KAT7: variants seen among roughly 807,000 people sequenced by gnomAD.
KAT7 encodes lysine acetyltransferase 7, also known as histone acetyltransferase KAT7.
Under a neutral mutation model 82.1 loss-of-function variants are expected in KAT7, and 10 were observed. The ratio of observed to expected loss-of-function variants is 0.12; its 90% confidence interval spans 0.08 to 0.21. The LOEUF (loss-of-function observed/expected upper bound fraction) is 0.21, where lower values mean the gene tolerates loss of function less well. Ranked by LOEUF, KAT7 falls within the 10% of genes least tolerant of loss-of-function variation. KAT7 has a pLI of 1.00. For missense variants in KAT7, 378 were observed against 760.9 expected (o/e 0.50, Z 5.92); for synonymous variants, 250 against 262.5 (o/e 0.95, Z 0.46).
chr17:49,823,873 A>G (rs1244815228), intron 12 of KAT7, among the ~76,000 whole-genome samples: 1 of 152,192 alleles, frequency 6.6e-6, no homozygotes, highest in African/African-American at 2.4e-5. Flanking sequence ...CACTGTAAAC[A>G]AGTTCATTTT....
At chr17:49,808,634 T>C (rs1391048019) in intron 5 of KAT7, among the ~76,000 whole-genome samples, 1 of 151,968 alleles carries the variant, frequency 6.6e-6, no homozygotes, top group Non-Finnish European at 1.5e-5. Context: ...GTATTTTTAA[T>C]AGAGACGGGG....
chr17:49,803,421 ATTTAT>A (rs2074050144), intron 4 of KAT7, among the ~76,000 whole-genome samples: 1 of 150,326 alleles, frequency 6.7e-6, no homozygotes, highest in South Asian at 2.1e-4. Flanking sequence ...TTTAAAATTT[ATTTAT>A]TTTATTTTAT....
intron 1 of KAT7, among the ~76,000 whole-genome samples, chr17:49,790,995 G>T (rs928656508): frequency 6.6e-6 from 1 of 152,176 alleles, no homozygotes; most frequent in African/African-American, 2.4e-5. Flanking sequence ...ACAAATCCTT[G>T]CTCATTGAAA....
At chr17:49,804,828 C>G (rs1322150636) in intron 4 of KAT7, among the ~76,000 whole-genome samples, 2 of 152,020 alleles carry the variant, frequency 1.3e-5, no homozygotes, top group African/African-American at 4.8e-5. Flanking sequence ...CTCAGTTCTC[C>G]CTCCAAAAAA....
intron 1 of KAT7, among the ~76,000 whole-genome samples, chr17:49,790,385 C>T (rs1440504722): frequency 2.0e-5 from 3 of 152,064 alleles, no homozygotes; most frequent in East Asian, 1.9e-4. Flanking sequence ...TTAATAGAGA[C>T]GGGATTTCAC....
chr17:49,812,365 C>T (rs1397971674), intron 7 of KAT7, among the ~76,000 whole-genome samples: 4 of 150,168 alleles, frequency 2.7e-5, no homozygotes, highest in African/African-American at 9.8e-5. Flanking sequence ...GCTAGGATTA[C>T]AGACATGTGC....
intron 1 of KAT7, 186 bp downstream of exon 1, chr17:49,789,035 C>T: frequency 2.2e-6 from 1 of 460,720 alleles, no homozygotes; most frequent in South Asian, 5.7e-5. Flanking sequence ...TCGGCCTATG[C>T]TTGCAACTAT....
intron 4 of KAT7, among the ~76,000 whole-genome samples, chr17:49,801,832 G>A (rs138169557): frequency 1.3e-3 from 201 of 151,870 alleles, no homozygotes; most frequent in African/African-American, 4.6e-3. Flanking sequence ...AGAGTTTTAT[G>A]TACTTGTGAA....
In KAT7 at chr17:49,832,825, A is replaced by G. The variant is rs928596553; in HGVS notation, c.*5323A>G. The G allele has an allele frequency of 2.0e-5, 3 of 152,250 alleles. No homozygotes were observed. The highest frequency in any genetic ancestry group is 2.9e-5 in the Non-Finnish European group (2 of 68,058). The allele number at this position is 152,250 out of a possible 1,614,324, so 9.4% of individuals were successfully genotyped here. On this transcript the variant is annotated 3_prime_UTR_variant, in exon 15 of 15. Transcript: ENST00000259021. ...GAAAACTACTTTGCTGAATGATAGTATGTGATGTGTGCTAGGACTTCTAGA... is the reference window on the plus strand; with the variant it reads ...GAAAACTACTTTGCTGAATGATAGTGTGTGATGTGTGCTAGGACTTCTAGA...
intron 13 of KAT7, 62 bp from the exon 14 acceptor site, chr17:49,826,631 T>G (rs1468274772): frequency 1.9e-6 from 2 of 1,063,954 alleles, no homozygotes; most frequent in Non-Finnish European, 2.9e-6. Flanking sequence ...TAGACCTTGG[T>G]TGGGGGCAAA....
At chr17:49,794,088 A>G (rs1165456135) in intron 2 of KAT7, among the ~76,000 whole-genome samples, 5 of 152,208 alleles carry the variant, frequency 3.3e-5, no homozygotes, top group African/African-American at 9.6e-5. Flanking sequence ...CTCAAGCAGT[A>G]TGTTATGTAC....
rs1598079489 is a variant in KAT7 at position 49,815,970 on chromosome 17, A to G, written c.963+57A>G. 3 of 996,158 alleles carry G rather than the reference A, an allele frequency of 3.0e-6. No individual in the cohort carries two copies. The Middle Eastern group carries it at 6.2e-4, about 207-fold the overall frequency. The allele number at this position is 996,158 out of a possible 1,614,324, so 61.7% of individuals were successfully genotyped here. On this transcript the variant is annotated intron_variant, in intron 8 of 14. Transcript: ENST00000259021. ...CTTGTGAAAGGTGCTTAGAGTTGCC[A>G]GGAAAAATGATTGCAAATCAGTTTG...
intron 12 of KAT7, 35 bp downstream of exon 12, chr17:49,823,330 G>GTCCCTGCCTTGTGGAA: frequency 9.0e-7 from 1 of 1,107,338 alleles, no homozygotes; most frequent in Non-Finnish European, 1.4e-6. Context: ...GTTCCACAAG[G>GTCCCTGCCTTGTGGAA]CAGGGACCAT....
chr17:49,801,386 A>G (rs977368506), intron 4 of KAT7, among the ~76,000 whole-genome samples: 9 of 152,142 alleles, frequency 5.9e-5, no homozygotes, highest in African/African-American at 2.2e-4. Context: ...GGGCTTTGTC[A>G]TGTTGGCTAG....
chr17:49,813,595 G>GA (rs2074197536), intron 7 of KAT7, among the ~76,000 whole-genome samples: 1 of 151,990 alleles, frequency 6.6e-6, no homozygotes, highest in Admixed American at 6.5e-5. Context: ...AATATTCCGG[G>GA]AAAAAAATGT....
intron 12 of KAT7, among the ~76,000 whole-genome samples, chr17:49,825,733 T>C (rs377729440): frequency 6.6e-6 from 1 of 152,166 alleles, no homozygotes; most frequent in African/African-American, 2.4e-5. Context: ...CTACCCACAG[T>C]TTTGGGCCTC....
At chr17:49,818,929 G>T (rs953957405) in intron 9 of KAT7, among the ~76,000 whole-genome samples, 2 of 152,140 alleles carry the variant, frequency 1.3e-5, no homozygotes, top group Non-Finnish European at 2.9e-5. Context: ...AGTAGAGACA[G>T]GGTTTCACCA....
chr17:49,817,665 C>T (rs1391573610), intron 8 of KAT7, among the ~76,000 whole-genome samples, 155 bp from the exon 9 acceptor site: 2 of 152,030 alleles, frequency 1.3e-5, no homozygotes. Flanking sequence ...TGGGGTTTTG[C>T]CATTTCGGCC....
rs1205385943 is a variant in KAT7 at position 49,832,425 on chromosome 17, T to A, written c.*4923T>A. On this transcript the variant is annotated 3_prime_UTR_variant, in exon 15 of 15. Transcript: ENST00000259021. ...CAGCACAGCTCAGCCATGATCCTTTTACCACTTTTTTCTTCTGTCCTTGAG... is the reference window on the plus strand; with the variant it reads ...CAGCACAGCTCAGCCATGATCCTTTAACCACTTTTTTCTTCTGTCCTTGAG... The A allele has an allele frequency of 6.6e-6, 1 of 152,228 alleles. No homozygotes were observed. Among genetic ancestry groups the A allele is most frequent in the African/African-American group, 2.4e-5 (1 of 41,454 alleles). 9.4% of individuals were successfully genotyped at this position (152,228 alleles called of 1,614,324 possible). A position where few individuals can be genotyped will look rare whatever the true frequency, so the allele number is the denominator to read the frequency against.
Sources: gnomAD v4.1 joint callset for allele counts (sites outside exome capture counted in the v4.1 genomes callset) on GRCh38, gnomAD v4.1.1 for gene constraint, MANE v1.5 for transcripts, NCBI Gene and HGNC (gene_info 2026-07-23, HGNC 2026-07-21) for gene names.